Variants in IPO9 observed in about 807,000 individuals in gnomAD.
IPO9 encodes importin-9.
IPO9 carries 28 observed loss-of-function variants against 128.6 expected under a neutral mutation model. The observed-to-expected ratio is 0.22, with a 90% confidence interval of 0.16 to 0.30. The LOEUF is 0.30. Among genes scored for constraint, IPO9 ranks in the 10% least tolerant of loss-of-function variants. IPO9 has a pLI of 1.00. For missense variants in IPO9, 935 were observed against 1,293.9 expected, an observed-to-expected ratio of 0.72 and a Z score of 4.26; for synonymous variants, 455 against 475.8, an observed-to-expected ratio of 0.96 and a Z score of 0.57.
intron 20 of IPO9, among the ~76,000 whole-genome samples, chr1:201,873,890 A>C (rs1396660170): frequency 6.6e-6 from 1 of 152,186 alleles, no homozygotes; most frequent in African/African-American, 2.4e-5. Context: ...GCAGGTAGGG[A>C]GTATAGAGCT....
chr1:201,849,650 T>C (rs1680183038), intron 4 of IPO9, among the ~76,000 whole-genome samples: 1 of 152,232 alleles, frequency 6.6e-6, no homozygotes, highest in African/African-American at 2.4e-5. Flanking sequence ...TAATGGTAGA[T>C]AATATCAACT....
In IPO9 at chr1:201,855,132, G is replaced by A. The variant is rs1281239543; in HGVS notation, c.920G>A (p.Arg307Lys). ...TTTACTCTTCATCATACTTATGTGA[G>A]GACAGAAGTAAATTACACAGAAGAA... Reference protein sequence around the residue: ...TLTESAAFYVRTEVNYTEEVE... With the variant: ...TLTESAAFYVKTEVNYTEEVE... The change falls in exon 9 of 24, where the codon AGG becomes AAG. Residue 307 changes from arginine (R) to lysine (K), a missense_variant. By Grantham distance (26) the Arg-to-Lys change is conservative. Around this residue, in one of 3 missense-constraint regions of IPO9, gnomAD observed 741 missense variants for 1,019.1 expected, o/e 0.73. Coordinates refer to ENST00000361565, the MANE Select transcript of IPO9 (RefSeq NM_018085.5). The A allele has an allele frequency of 3.8e-6, 6 of 1,587,888 alleles. No individual in the cohort carries two copies. The highest frequency in any genetic ancestry group is 5.2e-6 in the Non-Finnish European group (6 of 1,157,100).
rs1020812889 is a variant in IPO9, at chr1:201,852,905, CAT to C, written c.604-105_604-104del. 2.5e-4 allele frequency: 217 copies of C among 856,218 alleles called. No individual in the cohort carries two copies. In the African/African-American group the frequency reaches 2.6e-3, roughly 10 times the overall value. The allele number at this position is 856,218 out of a possible 1,614,324, so 53.0% of individuals were successfully genotyped here. On this transcript the variant is annotated intron_variant, in intron 5 of 23. Coordinates refer to ENST00000361565, the MANE Select transcript of IPO9 (RefSeq NM_018085.5). ...CCCATTTCTCGAGGGCATCCAATCT[CAT>C]GTGAGGATTCATTAGTCATAGTTTT...
intron 13 of IPO9, 157 bp from the exon 14 acceptor site, chr1:201,863,291 G>T: frequency 1.8e-6 from 1 of 560,954 alleles, no homozygotes; most frequent in Admixed American, 2.9e-5. Flanking sequence ...GACGGAGGTT[G>T]CAGTGAGCCG....
rs184625857 is a variant in IPO9 at position 201,870,186 on chromosome 1, C to T, written c.2134-397C>T. ...GAACTTGCCAGTGAATATTGATCAG[C>T]TTGGAAATCCCTAGGCAACTAGTGG... On this transcript the variant is annotated intron_variant, in intron 17 of 23. Transcript: ENST00000361565. This position sits in a 1 kb window ranked among gnomAD's most constrained non-coding sequence, Gnocchi z 4.9. Among the ~76,000 whole-genome samples the T allele has an allele frequency of 2.4e-4, 37 of 152,308 alleles. No homozygotes were observed. Among genetic ancestry groups the T allele is most frequent in the Non-Finnish European group, 4.1e-4 (28 of 68,022 alleles).
chr1:201,868,787 G>A lies in IPO9; in HGVS notation c.1995G>A (p.Gly665=), dbSNP rs751703577. ...CCCCAGCAGACAAGATTCCTGCAGG[G>A]CTTTGTGCGGTAAGTGGCCGTGTGT... The part of the protein sequence containing the change: ...MQAPADKIPA[G]LCATAIDILT... Residue 665 remains glycine (G), a synonymous_variant, in exon 16 of 24, where the codon GGG becomes GGA. Transcript: ENST00000361565. 7.5e-6 allele frequency: 12 copies of A among 1,607,124 alleles called. No individual in the cohort carries two copies. Among genetic ancestry groups the A allele is most frequent in the Non-Finnish European group, 1.0e-5 (12 of 1,178,046 alleles).
intron 4 of IPO9, among the ~76,000 whole-genome samples, chr1:201,849,147 C>T (rs1184607344): frequency 6.6e-6 from 1 of 152,166 alleles, no homozygotes; most frequent in Non-Finnish European, 1.5e-5. Flanking sequence ...GCCATGTAAT[C>T]CTGACCTTCA....
chr1:201,862,557 A>G (rs1392642481), intron 13 of IPO9, among the ~76,000 whole-genome samples: 1 of 152,176 alleles, frequency 6.6e-6, no homozygotes, highest in Admixed American at 6.5e-5. Context: ...CTGTAATCCC[A>G]GCACTTTTGG....
In IPO9 at chr1:201,874,302, C is replaced by T; in HGVS notation, c.2763C>T (p.Ile921=). 1.2e-6 allele frequency: 2 copies of T among 1,613,956 alleles called. No individual in the cohort carries two copies. The highest frequency in any genetic ancestry group is 2.7e-5 in the African/African-American group (2 of 75,036). The part of the protein sequence containing the change: ...IPLLVKILKL[I]INELSNVMEA... ...TGCTGGTCAAGATCCTAAAGCTGAT[C>T]ATCAACGAGCTCTCCAACGTCATGG... Residue 921 remains isoleucine, a synonymous_variant, in exon 21 of 24, where the codon ATC becomes ATT. Transcript: ENST00000361565.
chr1:201,839,027 C>A (rs1033621001), intron 1 of IPO9, among the ~76,000 whole-genome samples: 2 of 150,598 alleles, frequency 1.3e-5, no homozygotes, highest in African/African-American at 4.9e-5. Flanking sequence ...TCAAGCGATT[C>A]TCCTGCCTCA....
At chr1:201,861,942 C>G (rs1442975556) in intron 13 of IPO9, among the ~76,000 whole-genome samples, 1 of 151,634 alleles carries the variant, frequency 6.6e-6, no homozygotes, top group Non-Finnish European at 1.5e-5. Context: ...GCAATATGAA[C>G]AAGGCAGAGA....
At chr1:201,856,567 A>G (rs1680332305) in intron 10 of IPO9, among the ~76,000 whole-genome samples, 1 of 152,228 alleles carries the variant, frequency 6.6e-6, no homozygotes, top group Non-Finnish European at 1.5e-5. Context: ...CAGATTCTAA[A>G]AGAGAGCAAT....
At chr1:201,857,627 C>T (rs1042879303) in intron 11 of IPO9, among the ~76,000 whole-genome samples, 1 of 152,112 alleles carries the variant, frequency 6.6e-6, no homozygotes, top group African/African-American at 2.4e-5. Flanking sequence ...GAAACCCCAT[C>T]TCTACTAAAC....
chr1:201,851,851 G>T (rs1461483878), intron 4 of IPO9, among the ~76,000 whole-genome samples: 1 of 152,106 alleles, frequency 6.6e-6, no homozygotes, highest in African/African-American at 2.4e-5. Context: ...TTTTCTTTCA[G>T]TATTTATATT....
chr1:201,836,136 A>C (rs1571537547), intron 1 of IPO9, among the ~76,000 whole-genome samples: 2 of 151,252 alleles, frequency 1.3e-5, no homozygotes, highest in South Asian at 2.1e-4. Context: ...AAAAAAAAAA[A>C]AAAAAAACAG....
At chr1:201,862,173 C>T (rs1181626389) in intron 13 of IPO9, among the ~76,000 whole-genome samples, 1 of 152,072 alleles carries the variant, frequency 6.6e-6, no homozygotes, top group African/African-American at 2.4e-5. Flanking sequence ...AAGAGTGGTC[C>T]AAGGCTGCAC....
chr1:201,880,400 G>T lies in IPO9; in HGVS notation c.*4346G>T, dbSNP rs1216786732. ...CTGACAGATGAGTCCTCTGCCAGAG[G>T]AAGGCTAAGATGTAGAGGACAAATC... On this transcript the variant is annotated 3_prime_UTR_variant, in exon 24 of 24. Coordinates refer to ENST00000361565, the MANE Select transcript of IPO9 (RefSeq NM_018085.5). 1 of 152,194 alleles carries T rather than the reference G, an allele frequency of 6.6e-6. No homozygotes were observed. The highest frequency in any genetic ancestry group is 1.9e-4 in the East Asian group (1 of 5,200). 9.4% of individuals were successfully genotyped at this position (152,194 alleles called of 1,614,324 possible).
rs1415790819 is a variant in IPO9, at chr1:201,874,954, A to T, written c.2938+18A>T. The T allele has an allele frequency of 6.4e-7, 1 of 1,554,608 alleles. No individual in the cohort carries two copies. Among genetic ancestry groups the T allele is most frequent in the South Asian group, 1.1e-5 (1 of 89,880 alleles). On this transcript the variant is annotated intron_variant, in intron 22 of 23. Transcript: ENST00000361565. ...TAAATATGGTAAGCTGTTTGATAAG[A>T]GGACAGCCATGGTAAATACCTTTTC...
At chr1:201,837,725 A>G (rs921860692) in intron 1 of IPO9, among the ~76,000 whole-genome samples, 1 of 152,242 alleles carries the variant, frequency 6.6e-6, no homozygotes, top group Non-Finnish European at 1.5e-5. Flanking sequence ...TAGGAACATT[A>G]AAAGTCCAAA....
Sources: allele counts gnomAD v4.1 joint callset (sites outside exome capture counted in the v4.1 genomes callset), GRCh38; gene constraint gnomAD v4.1.1; regional missense constraint gnomAD v4.1.1; non-coding constraint Gnocchi (gnomAD v3.1); transcripts MANE v1.5; gene names NCBI Gene and HGNC (gene_info 2026-07-23, HGNC 2026-07-21).